DST: variants seen among roughly 807,000 people sequenced by gnomAD.
The protein encoded by DST is dystonin.
Under a neutral mutation model 875.2 loss-of-function variants are expected in DST, and 253 were observed. That is an observed-to-expected ratio of 0.29 (90% CI 0.26 to 0.32). The LOEUF (loss-of-function observed/expected upper bound fraction) is 0.32. Ranked by LOEUF, DST falls within the 10% of genes least tolerant of loss-of-function variation. The pLI is 1.00. For synonymous variants in DST, 3,124 were observed against 3,197.1 expected (o/e 0.98, Z 0.77); for missense variants, 8,287 against 9,111.6 (o/e 0.91, Z 3.68).
At chr6:56,682,765 C>T (rs1378051292) in intron 9 of DST, among the ~76,000 whole-genome samples, 1 of 152,196 alleles carries the variant, frequency 6.6e-6, no homozygotes, top group East Asian at 1.9e-4. Context: ...TTTTGTTTCA[C>T]TGTGCAAGTC....
chr6:56,518,080 T>C (rs1245096608), intron 69 of DST, among the ~76,000 whole-genome samples: 3 of 152,188 alleles, frequency 2.0e-5, no homozygotes, highest in Non-Finnish European at 4.4e-5. Context: ...TTTATTATAC[T>C]ATTATGTTTA....
chr6:56,865,717 C>T (rs138517822), intron 3 of DST, among the ~76,000 whole-genome samples: 4 of 152,126 alleles, frequency 2.6e-5, no homozygotes, highest in Admixed American at 6.5e-5. Context: ...GGACAGATGG[C>T]GTTACCTTCT....
chr6:56,821,984 AAG>A (rs1206365074), intron 4 of DST, among the ~76,000 whole-genome samples: 18 of 152,096 alleles, frequency 1.2e-4, no homozygotes, highest in Non-Finnish European at 2.2e-4. Flanking sequence ...CACGTTTATT[AAG>A]AGAGATGTGG....
At chr6:56,944,161 T>C (rs1391490336) in intron 2 of DST, among the ~76,000 whole-genome samples, 2 of 152,206 alleles carry the variant, frequency 1.3e-5, no homozygotes, top group Non-Finnish European at 2.9e-5. Context: ...AGTATCTGTC[T>C]CTTTCCCCTT....
Position 56,506,427 on chromosome 6 carries a change from A to C in DST, c.19464+16T>G. On this transcript the variant is annotated intron_variant, in intron 77 of 103. Transcript: ENST00000680361. Reference sequence around the variant, plus strand: ...CCTTCCAGCTAAGACCAGCACATACACTGTAATCCCCTTACCTGCAGTCCA... The same window carrying C: ...CCTTCCAGCTAAGACCAGCACATACCCTGTAATCCCCTTACCTGCAGTCCA... 2 of 1,597,866 alleles carry C rather than the reference A, an allele frequency of 1.3e-6. No homozygotes were observed. Among genetic ancestry groups the C allele is most frequent in the Non-Finnish European group, 1.7e-6 (2 of 1,169,062 alleles).
At chr6:56,524,288 G>A (rs1043364107) in intron 69 of DST, among the ~76,000 whole-genome samples, 78 of 152,054 alleles carry the variant, frequency 5.1e-4, no homozygotes, top group African/African-American at 1.7e-3. Context: ...TTCCCTACAC[G>A]GTAATGTTTT....
intron 103 of DST, among the ~76,000 whole-genome samples, chr6:56,459,555 A>T (rs2094214385): frequency 6.6e-6 from 1 of 152,256 alleles, no homozygotes; most frequent in Non-Finnish European, 1.5e-5. Context: ...GAATATACCT[A>T]TCCTTTAAGA....
chr6:56,739,430 T>G (rs2099538198), intron 4 of DST, among the ~76,000 whole-genome samples: 1 of 152,038 alleles, frequency 6.6e-6, no homozygotes, highest in African/African-American at 2.4e-5. Flanking sequence ...CTTCCCTCAT[T>G]TACTCACTCT....
intron 5 of DST, among the ~76,000 whole-genome samples, chr6:56,720,829 G>A (rs1000735885): frequency 9.2e-5 from 14 of 151,902 alleles, no homozygotes; most frequent in Non-Finnish European, 1.3e-4. Flanking sequence ...GGACAAAACC[G>A]CCATCGTCAT....
In DST at chr6:56,593,859, T is replaced by C. The variant is rs1171038042; in HGVS notation, c.12530A>G (p.Gln4177Arg). 6.2e-7 allele frequency: 1 copy of C among 1,613,866 alleles called. No individual in the cohort carries two copies. Among genetic ancestry groups the C allele is most frequent in the Non-Finnish European group, 8.5e-7 (1 of 1,179,888 alleles). The change falls in exon 48 of 104, where the codon CAG (glutamine) becomes CGG (arginine). Residue 4177 changes from glutamine to arginine, a missense_variant. Physicochemically the swap from Gln to Arg is conservative, Grantham distance 43. Transcript: ENST00000680361. The part of the protein sequence containing the change: ...INGLMTKLKR[Q>R]KSFSEDVISH... ...AATAACGTCTTCTGAGAAACTCTTCTGCCTCTTCAATTTGGTCATTAAACC... is the reference window on the plus strand; with the variant it reads ...AATAACGTCTTCTGAGAAACTCTTCCGCCTCTTCAATTTGGTCATTAAACC...
intron 85 of DST, 85 bp from the exon 86 acceptor site, chr6:56,489,694 T>A (rs1337005581): frequency 8.2e-7 from 1 of 1,226,462 alleles, no homozygotes. Flanking sequence ...CAGAGATTAA[T>A]AGTGATGAAA....
At chr6:56,580,750 G>A (rs1188229326) in intron 49 of DST, among the ~76,000 whole-genome samples, 1 of 145,984 alleles carries the variant, frequency 6.9e-6, no homozygotes, top group African/African-American at 2.5e-5. Context: ...TTTTGGTTGG[G>A]GGGGCAGCGT....
In DST at chr6:56,634,596, A is replaced by G; in HGVS notation, c.3360T>C (p.Asp1120=). ...RQIEITIYKD[D]ECVLANNSHR... ...GAGAGTTATTCGCCAAAACACATTC[A>G]TCGTCTTTGTAAATGGTTATCTGGT... Residue 1120 remains aspartate, a synonymous_variant, in exon 26 of 104, where the codon GAT becomes GAC. Coordinates refer to ENST00000680361, the MANE Select transcript of DST (RefSeq NM_001374736.1). 2 of 1,614,194 alleles carry G rather than the reference A, an allele frequency of 1.2e-6. No homozygotes were observed. The highest frequency in any genetic ancestry group is 1.1e-5 in the South Asian group (1 of 91,080).
chr6:56,738,295 A>C (rs1228487273), intron 4 of DST, among the ~76,000 whole-genome samples: 2 of 152,190 alleles, frequency 1.3e-5, no homozygotes, highest in Non-Finnish European at 2.9e-5. Flanking sequence ...TAGTTTGCTA[A>C]TTCTGAATAT....
chr6:56,800,710 AC>A (rs2099745614), intron 4 of DST, among the ~76,000 whole-genome samples: 1 of 152,108 alleles, frequency 6.6e-6, no homozygotes. Context: ...AAAAATAAAA[AC>A]AAAAAAAATA....
chr6:56,933,150 GA>G (rs1328238144), intron 2 of DST, among the ~76,000 whole-genome samples: 2 of 152,060 alleles, frequency 1.3e-5, no homozygotes, highest in Non-Finnish European at 2.9e-5. Flanking sequence ...AGTCACACCA[GA>G]AACCAGAGCT....
At chr6:56,865,486 C>T (rs745707361) in intron 3 of DST, among the ~76,000 whole-genome samples, 3 of 152,052 alleles carry the variant, frequency 2.0e-5, no homozygotes, top group Non-Finnish European at 2.9e-5. Flanking sequence ...TACATGTGTG[C>T]CACCACACCT....
At chr6:56,888,066 TCAGCCTCCCAA>T (rs1785481728) in intron 3 of DST, among the ~76,000 whole-genome samples, 1 of 151,548 alleles carries the variant, frequency 6.6e-6, no homozygotes, top group Admixed American at 6.6e-5. Context: ...TTCTCCTGCC[TCAGCCTCCCAA>T]GTAGCTGAGA....
chr6:56,466,287 C>CT (rs2094572129), intron 98 of DST, 92 bp from the exon 99 acceptor site: 3 of 805,700 alleles, frequency 3.7e-6, no homozygotes, highest in Non-Finnish European at 5.6e-6. Flanking sequence ...AAGCAACCGA[C>CT]TTTAATTTCT....
Sources: gnomAD v4.1 joint callset for allele counts (sites outside exome capture counted in the v4.1 genomes callset) on GRCh38, gnomAD v4.1.1 for gene constraint, MANE v1.5 for transcripts, NCBI Gene and HGNC (gene_info 2026-07-23, HGNC 2026-07-21) for gene names.